The following COL14A1 variants were observed in gnomAD, a reference collection of about 807,000 sequenced individuals.
The protein encoded by COL14A1 is collagen alpha-1(XIV) chain.
Under a neutral mutation model 230.3 loss-of-function variants are expected in COL14A1, and 136 were observed. The ratio of observed to expected loss-of-function variants is 0.59; its 90% CI spans 0.51 to 0.68. COL14A1 has a LOEUF of 0.68. COL14A1 is among the 30% of genes least tolerant of loss of function. COL14A1 has a pLI of 0.00. For synonymous variants in COL14A1, 792 were observed against 784.1 expected (o/e 1.01, Z -0.17); for missense variants, 1,976 against 2,215.8 (o/e 0.89, Z 2.17).
At chr8:120,315,363 T>G (rs1223046189) in intron 38 of COL14A1, among the ~76,000 whole-genome samples, 170 bp from the exon 39 acceptor site, 1 of 93,704 alleles carries the variant, frequency 1.1e-5, no homozygotes, top group Non-Finnish European at 1.9e-5. Flanking sequence ...AGAGCAAGAC[T>G]CCATTTAAAA....
chr8:120,315,642 G>GA (rs538633058), intron 39 of COL14A1, 56 bp downstream of exon 39: 86 of 1,407,422 alleles, frequency 6.1e-5, no homozygotes, highest in Middle Eastern at 1.8e-4. Flanking sequence ...TGCCAAGGGG[G>GA]AAAAAAAAGC....
At chr8:120,163,514 A>G (rs979584154) in intron 4 of COL14A1, among the ~76,000 whole-genome samples, 2 of 152,182 alleles carry the variant, frequency 1.3e-5, no homozygotes, top group Non-Finnish European at 2.9e-5. Context: ...CTGTAATCCC[A>G]GCACTTTGGG....
intron 45 of COL14A1, among the ~76,000 whole-genome samples, chr8:120,366,817 T>C (rs1352094860): frequency 1.3e-5 from 2 of 152,198 alleles, no homozygotes; most frequent in Non-Finnish European, 2.9e-5. Context: ...CACTTGTGAT[T>C]TCTATTGTGT....
At chr8:120,296,110 T>G (rs1050737092) in intron 34 of COL14A1, among the ~76,000 whole-genome samples, 3 of 151,872 alleles carry the variant, frequency 2.0e-5, no homozygotes, top group African/African-American at 7.2e-5. Context: ...TTTTGTTTGT[T>G]TGTTTGCCCT....
intron 42 of COL14A1, among the ~76,000 whole-genome samples, chr8:120,337,330 A>G (rs1301277614): frequency 6.6e-6 from 1 of 150,818 alleles, no homozygotes; most frequent in Non-Finnish European, 1.5e-5. Flanking sequence ...CGGGAGGCAG[A>G]GGTTGCAGTG....
Position 120,166,919 on chromosome 8 carries a change from TGTG to T in COL14A1, c.350-1235_350-1233del, listed in dbSNP as rs1554600758. Among the ~76,000 whole-genome samples, 590 of 143,950 alleles carry T rather than the reference TGTG, an allele frequency of 4.1e-3. 4 individuals carry two copies. The highest frequency in any genetic ancestry group is 7.1e-3 in the African/African-American group (260 of 36,496). The allele number at this position is 143,950 out of a possible 152,430, so 94.4% of individuals were successfully genotyped here. The stretch of plus-strand genomic sequence containing the variant: ...GTGTGTGTGTGTGTGTGTGTGTGTG[TGTG>T]GTGGTGATGATGGTGGTGGTGGGGG... On this transcript the variant is annotated intron_variant, in intron 4 of 47. Coordinates refer to ENST00000297848, the MANE Select transcript of COL14A1 (RefSeq NM_021110.4).
chr8:120,126,258 C>T (rs61037895), intron 1 of COL14A1, among the ~76,000 whole-genome samples: 5,306 of 152,264 alleles, frequency 0.035, 308 homozygotes, highest in African/African-American at 0.12. Context: ...TGGAGGCCGC[C>T]GGCAGGTCCA....
chr8:120,151,097 G>A (rs534680756), intron 2 of COL14A1, among the ~76,000 whole-genome samples: 3 of 152,142 alleles, frequency 2.0e-5, no homozygotes, highest in Non-Finnish European at 1.5e-5. Flanking sequence ...GTGGCTGCAC[G>A]CTGGGGGAAA....
Position 120,262,916 on chromosome 8 carries a change from G to C in COL14A1, c.2918G>C (p.Cys973Ser). ...GTGGGTGGAGGGACAACCAGGCATT[G>C]CTTCTATGGACTTCAGCCTGATTCT... ...STVGGGTTRHCFYGLQPDSEY... is the reference protein window; with the variant it reads ...STVGGGTTRHSFYGLQPDSEY... The change falls in exon 24 of 48, where the codon TGC becomes TCC. Residue 973 changes from cysteine to serine, a missense_variant. By Grantham distance (112) the Cys-to-Ser change is moderately radical (BLOSUM62 -1). This residue lies in a region of COL14A1 where 1,791 missense variants were observed against 2,019.5 expected (regional missense o/e 0.89). Coordinates refer to ENST00000297848, the MANE Select transcript of COL14A1 (RefSeq NM_021110.4). 1 of 1,613,598 alleles carries C rather than the reference G, an allele frequency of 6.2e-7. No individual in the cohort carries two copies. The highest frequency in any genetic ancestry group is 8.5e-7 in the Non-Finnish European group (1 of 1,179,814).
chr8:120,214,904 G>A (rs1183083823), intron 13 of COL14A1, among the ~76,000 whole-genome samples: 4 of 152,190 alleles, frequency 2.6e-5, no homozygotes, highest in African/African-American at 9.7e-5. Flanking sequence ...AAAGAAACTG[G>A]CTATGCGTAT....
chr8:120,341,453 A>C, intron 43 of COL14A1, 93 bp downstream of exon 43: 1 of 1,302,634 alleles, frequency 7.7e-7, no homozygotes, highest in South Asian at 1.3e-5. Flanking sequence ...AATACCATTA[A>C]TATTCATTGC....
chr8:120,255,612 A>G (rs1819121712), intron 23 of COL14A1, among the ~76,000 whole-genome samples: 1 of 152,200 alleles, frequency 6.6e-6, no homozygotes, highest in Admixed American at 6.5e-5. Context: ...TGTGAAGATA[A>G]AGCTGAGATA....
chr8:120,277,824 G>C, intron 26 of COL14A1: 2 of 178,162 alleles, frequency 1.1e-5, no homozygotes, highest in East Asian at 2.9e-4. Flanking sequence ...TCACTACCTG[G>C]GGGACAGAAT....
chr8:120,175,694 A>G (rs1251762464), intron 5 of COL14A1, among the ~76,000 whole-genome samples: 1 of 152,192 alleles, frequency 6.6e-6, no homozygotes, highest in Admixed American at 6.5e-5. Context: ...AGTATTTGCA[A>G]CAGAGATCAT....
intron 26 of COL14A1, among the ~76,000 whole-genome samples, chr8:120,271,940 C>G (rs1393737521): frequency 2.6e-5 from 4 of 151,482 alleles, no homozygotes; most frequent in African/African-American, 9.7e-5. Context: ...ATAGACCAGT[C>G]AGGAAGATGC....
At chr8:120,303,772 T>A (rs1820783678) in intron 36 of COL14A1, among the ~76,000 whole-genome samples, 1 of 152,128 alleles carries the variant, frequency 6.6e-6, no homozygotes, top group Admixed American at 6.5e-5. Context: ...TGAGGAAGAG[T>A]TATTCCTCCT....
At chr8:120,287,229 C>A (rs986734981) in intron 33 of COL14A1, among the ~76,000 whole-genome samples, 10 of 148,018 alleles carry the variant, frequency 6.8e-5, no homozygotes, top group East Asian at 2.0e-4. Flanking sequence ...AAAAAAAAAA[C>A]AACTTGCTTT....
chr8:120,193,391 G>T (rs188036722), intron 5 of COL14A1, among the ~76,000 whole-genome samples: 1 of 152,310 alleles, frequency 6.6e-6, no homozygotes, highest in African/African-American at 2.4e-5. Context: ...GCTGCTGTCT[G>T]ATCGTTCCTC....
At chr8:120,130,818 C>T (rs1390327058) in intron 1 of COL14A1, among the ~76,000 whole-genome samples, 1 of 152,154 alleles carries the variant, frequency 6.6e-6, no homozygotes, top group Non-Finnish European at 1.5e-5. Flanking sequence ...GATCCCATCA[C>T]CCAGGTAGTG....
Sources: allele counts gnomAD v4.1 joint callset (sites outside exome capture counted in the v4.1 genomes callset), GRCh38; gene constraint gnomAD v4.1.1; regional missense constraint gnomAD v4.1.1; transcripts MANE v1.5; gene names NCBI Gene and HGNC (gene_info 2026-07-23, HGNC 2026-07-21).